PNPLA7: variants seen among roughly 807,000 people sequenced by gnomAD.
The protein encoded by PNPLA7 is patatin-like phospholipase domain-containing protein 7.
In PNPLA7, 153 loss-of-function variants were observed where a neutral mutation model predicts 161.7. The observed-to-expected ratio is 0.95, with a 90% CI of 0.83 to 1.08. PNPLA7 has a LOEUF of 1.08. Among genes scored for constraint, PNPLA7 ranks in the 50% least tolerant of loss-of-function variants. The pLI is 0.00. For missense variants in PNPLA7, 1,739 were observed against 1,856.6 expected (o/e 0.94, Z 1.16); for synonymous variants, 809 against 782.1 (o/e 1.03, Z -0.57).
intron 12 of PNPLA7, among the ~76,000 whole-genome samples, chr9:137,511,539 G>A (rs540864091): frequency 5.9e-5 from 9 of 152,338 alleles, no homozygotes; most frequent in East Asian, 3.9e-4. Flanking sequence ...TTGGCCTGGC[G>A]GTAGCGCCAG....
intron 8 of PNPLA7, among the ~76,000 whole-genome samples, chr9:137,527,199 C>G (rs996977923): frequency 1.3e-5 from 2 of 151,112 alleles, no homozygotes; most frequent in African/African-American, 4.9e-5. Context: ...TCAGAGGGGG[C>G]GGAGGTTGCA....
Position 137,484,691 on chromosome 9 carries a change from C to T in PNPLA7, c.2243G>A (p.Gly748Glu), listed in dbSNP as rs752201376. The T allele has an allele frequency of 2.5e-6, 4 of 1,612,182 alleles. No homozygotes were observed. Among genetic ancestry groups the T allele is most frequent in the African/African-American group, 1.3e-5 (1 of 74,926 alleles). Residue 748 changes from glycine to glutamate, a missense_variant, in exon 21 of 35, where the codon GGG (glycine) becomes GAG (glutamate). Gly to Glu is a moderately conservative substitution (Grantham distance 98). Transcript: ENST00000406427. ...CGTGGACAGGTTGACAGCCGGGTTC[C>T]CCAAGTCCCACTTGCTGCCCTCCGT... ...LPTEGSKWDL[G>E]NPAVNLSTVA...
In PNPLA7 at chr9:137,522,240, A is replaced by T. The variant is rs181734014; in HGVS notation, c.876+489T>A. Among the ~76,000 whole-genome samples, 35 of 152,242 alleles carry T rather than the reference A, an allele frequency of 2.3e-4. 1 individual carries two copies. In the East Asian group the frequency reaches 6.8e-3, roughly 29 times the overall value. On this transcript the variant is annotated intron_variant, in intron 9 of 34. Coordinates refer to ENST00000406427, the MANE Select transcript of PNPLA7 (RefSeq NM_001098537.3). ...CAGGCGCCCGCCACCACGCCTGGCT[A>T]ATTTTTTGTATTTTTAGCAGAGACG... is the stretch of plus-strand genomic sequence containing the variant.
chr9:137,526,506 T>A (rs955780295), intron 8 of PNPLA7, among the ~76,000 whole-genome samples: 5 of 152,126 alleles, frequency 3.3e-5, no homozygotes, highest in East Asian at 1.9e-4. Context: ...CTCAATCTCC[T>A]GACCTCATGA....
At chr9:137,492,156 A>C in intron 20 of PNPLA7, 1 of 985,256 alleles carries the variant, frequency 1.0e-6, no homozygotes, top group Non-Finnish European at 1.2e-6. Flanking sequence ...CTCCAGAAAA[A>C]AGTACACCTC....
chr9:137,541,578 G>A lies in PNPLA7; in HGVS notation c.667-856C>T, dbSNP rs547285445. ...ACAAAGCCCAGGGTTTGCTGAGTGC[G>A]TGCTTTAAATGAGAACAAGCAATGG... On this transcript the variant is annotated intron_variant, in intron 7 of 34. Coordinates refer to ENST00000406427, the MANE Select transcript of PNPLA7 (RefSeq NM_001098537.3). This position sits in a 1 kb window ranked among gnomAD's most constrained non-coding sequence, Gnocchi z 4.4. The A allele has an allele frequency of 2.1e-5, 17 of 806,116 alleles. No homozygotes were observed. Among genetic ancestry groups the A allele is most frequent in the African/African-American group, 1.9e-5 (1 of 53,756 alleles). 49.9% of individuals were successfully genotyped at this position (806,116 alleles called of 1,614,324 possible). A position where few individuals can be genotyped will look rare whatever the true frequency, so the allele number is the denominator to read the frequency against.
At position 137,547,314 on chromosome 9, in the gene PNPLA7, T is replaced by C; in HGVS notation, c.188A>G (p.Gln63Arg). 1 of 1,613,390 alleles carries C rather than the reference T, an allele frequency of 6.2e-7. No homozygotes were observed. The highest frequency in any genetic ancestry group is 8.5e-7 in the Non-Finnish European group (1 of 1,179,900). The change falls in exon 3 of 35, where the codon CAA becomes CGA. Residue 63 changes from glutamine to arginine, a missense_variant. Physicochemically the swap from Gln to Arg is conservative, Grantham distance 43. Transcript: ENST00000406427. This position sits in a 1 kb window ranked among gnomAD's most constrained non-coding sequence, Gnocchi z 4.6. ...GTCGGAACCAAGATACTCACGAAAT[T>C]GTCTAAGCCTTCTGAACATGAAAAG... is the stretch of plus-strand genomic sequence containing the variant. ...LILFMFRRLRQFRQAQPTPQY... is the reference protein window; with the variant it reads ...LILFMFRRLRRFRQAQPTPQY...
intron 9 of PNPLA7, 42 bp from the exon 10 acceptor site, chr9:137,521,758 G>C (rs370910576): frequency 1.9e-6 from 3 of 1,569,212 alleles, no homozygotes; most frequent in Admixed American, 3.5e-5. Flanking sequence ...CCGGCCTGGG[G>C]TACAGGGCGG....
chr9:137,484,976 C>T (rs1039414282), intron 20 of PNPLA7, among the ~76,000 whole-genome samples: 15 of 150,886 alleles, frequency 9.9e-5, no homozygotes, highest in Admixed American at 9.9e-4. Flanking sequence ...CCCCAGCCCT[C>T]AGGGGCTGCC....
In PNPLA7 at chr9:137,519,904, T is replaced by C; in HGVS notation, c.1084+13A>G. Reference sequence around the variant, plus strand: ...TGGGGCTGGACATTGCCCTCCTTGGTGCAGGACAGTACCTGAGTCACAGGA... The same window carrying C: ...TGGGGCTGGACATTGCCCTCCTTGGCGCAGGACAGTACCTGAGTCACAGGA... On this transcript the variant is annotated intron_variant, in intron 11 of 34. Transcript: ENST00000406427. The C allele has an allele frequency of 6.2e-7, 1 of 1,610,222 alleles. No individual in the cohort carries two copies.
At position 137,478,081 on chromosome 9, in the gene PNPLA7, C is replaced by A; in HGVS notation, c.2835G>T (p.Val945=). 7.1e-7 allele frequency: 1 copy of A among 1,399,482 alleles called. No homozygotes were observed. Among genetic ancestry groups the A allele is most frequent in the Non-Finnish European group, 9.3e-7 (1 of 1,074,450 alleles). 86.7% of individuals were successfully genotyped at this position (1,399,482 alleles called of 1,614,324 possible). Residue 945 remains valine, a synonymous_variant, in exon 25 of 35, where the codon GTG becomes GTT. Coordinates refer to ENST00000406427, the MANE Select transcript of PNPLA7 (RefSeq NM_001098537.3). ...RHSDFSRLAR[V]LTGNAIALVL... ...CCAGGGCAATGGCGTTGCCCGTCAG[C>A]ACCCTCGCCAGGCGGGAGAAGTCTG...
At chr9:137,548,244 G>C (rs1299444999) in intron 1 of PNPLA7, among the ~76,000 whole-genome samples, 1 of 152,170 alleles carries the variant, frequency 6.6e-6, no homozygotes, top group Admixed American at 6.5e-5. Flanking sequence ...AGAAGTGAAA[G>C]AGAAAACGAG....
intron 4 of PNPLA7, among the ~76,000 whole-genome samples, chr9:137,546,323 A>T (rs1364021517): frequency 6.6e-6 from 1 of 151,698 alleles, no homozygotes; most frequent in African/African-American, 2.4e-5. Flanking sequence ...TTTGTCTTGT[A>T]TCCAATAAAT....
Position 137,550,306 on chromosome 9 carries a change from C to T in PNPLA7, c.-109G>A. 3 of 1,215,532 alleles carry T rather than the reference C, an allele frequency of 2.5e-6. No individual in the cohort carries two copies. The highest frequency in any genetic ancestry group is 3.6e-6 in the Non-Finnish European group (3 of 824,500). The allele number at this position is 1,215,532 out of a possible 1,614,324, so 75.3% of individuals were successfully genotyped here. On this transcript the variant is annotated 5_prime_UTR_variant, in exon 1 of 35. Transcript: ENST00000406427. ...CACCTGGACACTTTTCCCTGGGTTC[C>T]TTTCAAGTCAAATTATGTTTCACTG... is the stretch of plus-strand genomic sequence containing the variant.
intron 8 of PNPLA7, among the ~76,000 whole-genome samples, chr9:137,525,707 C>G (rs1205445435): frequency 6.7e-6 from 1 of 149,524 alleles, no homozygotes; most frequent in African/African-American, 2.5e-5. Context: ...AGCACAGCAT[C>G]ACAGGGAGAC....
chr9:137,493,424 C>G (rs553743427), intron 19 of PNPLA7, among the ~76,000 whole-genome samples: 94 of 152,364 alleles, frequency 6.2e-4, no homozygotes, highest in African/African-American at 2.2e-3. Context: ...ACCCACGACC[C>G]TGAAGGCAGG....
At position 137,541,345 on chromosome 9, in the gene PNPLA7, G is replaced by T; in HGVS notation, c.667-623C>A. On this transcript the variant is annotated intron_variant, in intron 7 of 34. Coordinates refer to ENST00000406427, the MANE Select transcript of PNPLA7 (RefSeq NM_001098537.3). The surrounding 1 kb of genome is among the most constrained non-coding windows in gnomAD (Gnocchi z 4.4). ...GGCGGCCTCATCCCCAGGAGCTACT[G>T]GCTCCAGCTTCCCCCAAGCCCCTTT... 1 of 872,098 alleles carries T rather than the reference G, an allele frequency of 1.1e-6. No homozygotes were observed. Among genetic ancestry groups the T allele is most frequent in the Non-Finnish European group, 1.4e-6 (1 of 726,396 alleles). The allele number at this position is 872,098 out of a possible 1,614,324, so 54.0% of individuals were successfully genotyped here.
chr9:137,516,452 AT>A, intron 11 of PNPLA7: 1 of 985,230 alleles, frequency 1.0e-6, no homozygotes, highest in Non-Finnish European at 1.2e-6. Context: ...CTGCTGCCCC[AT>A]CAAGTCACAT....
At chr9:137,463,081 C>T in intron 29 of PNPLA7, 1 of 609,354 alleles carries the variant, frequency 1.6e-6, no homozygotes, top group East Asian at 2.8e-5. Context: ...CCCCAGCAAG[C>T]TCGACACCTG....
Sources: gnomAD v4.1 joint callset for allele counts (sites outside exome capture counted in the v4.1 genomes callset) on GRCh38, gnomAD v4.1.1 for gene constraint, Gnocchi (gnomAD v3.1) non-coding constraint, MANE v1.5 for transcripts, NCBI Gene and HGNC (gene_info 2026-07-23, HGNC 2026-07-21) for gene names.